Variants in GRIK4 observed in about 807,000 individuals in gnomAD.
GRIK4 encodes glutamate receptor ionotropic, kainate 4.
A neutral mutation model predicts 104.9 loss-of-function variants in GRIK4; 40 were observed. The ratio of observed to expected loss-of-function variants is 0.38; its 90% CI spans 0.30 to 0.50. GRIK4 has a LOEUF of 0.50. Ranked by LOEUF, GRIK4 falls within the 20% of genes least tolerant of loss-of-function variation. The pLI is 0.93. For missense variants in GRIK4, 1,047 were observed against 1,308.1 expected (o/e 0.80, Z 3.08); for synonymous variants, 485 against 524.9 (o/e 0.92, Z 1.04).
At chr11:120,848,113 T>G (rs1953893288) in intron 8 of GRIK4, among the ~76,000 whole-genome samples, 1 of 152,174 alleles carries the variant, frequency 6.6e-6, no homozygotes, top group South Asian at 2.1e-4. Context: ...ATCCAAGTCA[T>G]GAGAAACTCC....
intron 16 of GRIK4, 58 bp downstream of exon 16, chr11:120,957,011 C>T (rs1944170738): frequency 7.1e-7 from 1 of 1,413,702 alleles, no homozygotes. Context: ...AAAAGGGGCC[C>T]TCTGATAAGC....
chr11:120,899,860 C>T (rs145442506), intron 12 of GRIK4, among the ~76,000 whole-genome samples: 40 of 152,314 alleles, frequency 2.6e-4, no homozygotes, highest in African/African-American at 8.9e-4. Flanking sequence ...AGAGGCGATG[C>T]ATGAGTTCGC....
intron 1 of GRIK4, among the ~76,000 whole-genome samples, chr11:120,600,349 T>TA (rs901232369): frequency 3.2e-4 from 49 of 151,100 alleles, no homozygotes; most frequent in Admixed American, 1.3e-3. Context: ...CCCTCTGTCT[T>TA]AAAAAAAAAG....
chr11:120,706,702 A>G (rs2135344822), intron 3 of GRIK4, among the ~76,000 whole-genome samples: 1 of 152,306 alleles, frequency 6.6e-6, no homozygotes, highest in East Asian at 1.9e-4. Context: ...TGCATGCAGT[A>G]TCAAAGCAAT....
At chr11:120,564,436 T>C (rs1948283399) in intron 1 of GRIK4, 1 of 152,198 alleles carries the variant, frequency 6.6e-6, no homozygotes, top group Non-Finnish European at 1.5e-5. Flanking sequence ...GTGGCCCTCC[T>C]TTCCCGATTC....
At chr11:120,660,506 A>T in intron 3 of GRIK4, 106 bp downstream of exon 3, 1 of 808,068 alleles carries the variant, frequency 1.2e-6, no homozygotes, top group Non-Finnish European at 2.0e-6. Flanking sequence ...CAGCCCGTGC[A>T]CTGTGCCCTC....
chr11:120,895,530 C>G (rs1942554180), intron 11 of GRIK4, among the ~76,000 whole-genome samples: 1 of 152,154 alleles, frequency 6.6e-6, no homozygotes, highest in African/African-American at 2.4e-5. Context: ...ATTTGGACTT[C>G]TTAATGGAAT....
At chr11:120,944,094 G>C (rs1288884685) in intron 14 of GRIK4, among the ~76,000 whole-genome samples, 2 of 152,062 alleles carry the variant, frequency 1.3e-5, no homozygotes, top group East Asian at 3.9e-4. Context: ...GAGGAGTCTG[G>C]CTTTGGCATT....
Position 120,928,986 on chromosome 11 carries a change from TGTGC to T in GRIK4, c.1477-11359_1477-11356del, listed in dbSNP as rs1236750264. ...GTGTGTGTGTGTGTGTGTGTGTGTG[TGTGC>T]GCGCGTGCACGCGTGTATGTGTGTG... is the stretch of plus-strand genomic sequence containing the variant. On this transcript the variant is annotated intron_variant, in intron 13 of 20. Coordinates refer to ENST00000527524, the MANE Select transcript of GRIK4 (RefSeq NM_014619.5). Among the ~76,000 whole-genome samples, 7 of 141,330 alleles carry T rather than the reference TGTGC, an allele frequency of 5.0e-5. 1 individual carries two copies. The East Asian group carries it at 8.5e-4, about 17-fold the overall frequency. The allele number at this position is 141,330 out of a possible 152,430, so 92.7% of individuals were successfully genotyped here.
At chr11:120,884,786 G>A (rs763677818) in intron 11 of GRIK4, among the ~76,000 whole-genome samples, 5 of 152,356 alleles carry the variant, frequency 3.3e-5, no homozygotes, top group Non-Finnish European at 5.9e-5. Flanking sequence ...CAGCCAGAGC[G>A]CTGCAAGGCC....
At chr11:120,650,167 G>A (rs540240958) in intron 1 of GRIK4, among the ~76,000 whole-genome samples, 95 of 152,292 alleles carry the variant, frequency 6.2e-4, no homozygotes, top group Non-Finnish European at 1.1e-3. Flanking sequence ...CAGTGTACTG[G>A]AGATGGGAGC....
intron 11 of GRIK4, among the ~76,000 whole-genome samples, chr11:120,887,338 G>T (rs2135718617): frequency 6.6e-6 from 1 of 152,252 alleles, no homozygotes; most frequent in East Asian, 1.9e-4. Flanking sequence ...GCCTGCTCAG[G>T]AAACTGCTCA....
chr11:120,819,949 A>C lies in GRIK4; in HGVS notation c.511+29A>C. 2 of 1,609,408 alleles carry C rather than the reference A, an allele frequency of 1.2e-6. No individual in the cohort carries two copies. The highest frequency in any genetic ancestry group is 2.2e-5 in the South Asian group (2 of 90,782). On this transcript the variant is annotated intron_variant, in intron 6 of 20. Transcript: ENST00000527524. The surrounding 1 kb of genome is among the most constrained non-coding windows in gnomAD (Gnocchi z 4.3). ...AGTTTCCCCAGGCTGGCTCTGCCCC[A>C]GACAGTCCAGTCTTGTTGATTTTGC...
At chr11:120,609,010 G>A (rs1948998330) in intron 1 of GRIK4, among the ~76,000 whole-genome samples, 1 of 152,226 alleles carries the variant, frequency 6.6e-6, no homozygotes, top group South Asian at 2.1e-4. Flanking sequence ...ACCAGTGCCT[G>A]TAACAAATTC....
chr11:120,851,467 G>T (rs559769525), intron 8 of GRIK4, among the ~76,000 whole-genome samples: 1 of 152,108 alleles, frequency 6.6e-6, no homozygotes, highest in Admixed American at 6.5e-5. Flanking sequence ...CACCTTATAC[G>T]TGCCATGCCG....
At chr11:120,958,283 G>C (rs1944211263) in intron 16 of GRIK4, among the ~76,000 whole-genome samples, 2 of 152,250 alleles carry the variant, frequency 1.3e-5, no homozygotes, top group South Asian at 4.1e-4. Context: ...AGGTTGCCCT[G>C]CCCTGAGGGG....
intron 1 of GRIK4, among the ~76,000 whole-genome samples, chr11:120,585,791 T>C (rs1206485657): frequency 1.3e-5 from 2 of 151,626 alleles, no homozygotes; most frequent in Admixed American, 1.3e-4. Context: ...CTATCCTTCC[T>C]CTAGATACGT....
chr11:120,960,903 A>G lies in GRIK4; in HGVS notation c.1875-6A>G, dbSNP rs1944273533. 6.2e-7 allele frequency: 1 copy of G among 1,611,340 alleles called. No individual in the cohort carries two copies. Among genetic ancestry groups the G allele is most frequent in the African/African-American group, 1.3e-5 (1 of 74,812 alleles). On this transcript the variant is annotated splice_polypyrimidine_tract_variant and splice_region_variant and intron_variant, in intron 16 of 20. Coordinates refer to ENST00000527524, the MANE Select transcript of GRIK4 (RefSeq NM_014619.5). ...AATGATGACTTCCTCGTCTTTTCCT[A>G]CATAGGTGGGCATTCACGCTGATCA...
intron 1 of GRIK4, among the ~76,000 whole-genome samples, chr11:120,622,056 A>G (rs978657674): frequency 6.6e-6 from 1 of 151,936 alleles, no homozygotes; most frequent in East Asian, 1.9e-4. Context: ...CCCCGCCACC[A>G]CACCCAGTTA....
Sources: allele counts gnomAD v4.1 joint callset (sites outside exome capture counted in the v4.1 genomes callset), GRCh38; gene constraint gnomAD v4.1.1; non-coding constraint Gnocchi (gnomAD v3.1); transcripts MANE v1.5; gene names NCBI Gene and HGNC (gene_info 2026-07-23, HGNC 2026-07-21).